ACADS: variants seen among roughly 807,000 people sequenced by gnomAD.
ACADS encodes the protein acyl-CoA dehydrogenase short chain.
A neutral mutation model predicts 46.8 loss-of-function variants in ACADS; 28 were observed. That is an observed-to-expected ratio of 0.60 (90% CI 0.44 to 0.82). ACADS has a LOEUF of 0.82. Ranked by LOEUF, ACADS falls within the 40% of genes least tolerant of loss-of-function variation. ACADS has a pLI of 0.00. For missense variants in ACADS, 528 were observed against 578.0 expected (o/e 0.91, Z 0.89); for synonymous variants, 236 against 237.7 (o/e 0.99, Z 0.07).
chr12:120,738,923 C>A lies in ACADS; in HGVS notation c.1029+8C>A, dbSNP rs1566028556. 3 of 1,613,332 alleles carry A rather than the reference C, an allele frequency of 1.9e-6. No homozygotes were observed. Among genetic ancestry groups the A allele is most frequent in the Non-Finnish European group, 2.5e-6 (3 of 1,179,980 alleles). ...AAGAAGCCTTTCATCAAGGTGCCCA[C>A]AGGGGTCCCCGAGCCATGGCCCAGA... On this transcript the variant is annotated splice_region_variant and intron_variant, in intron 8 of 9. Coordinates refer to ENST00000242592, the MANE Select transcript of ACADS (RefSeq NM_000017.4).
In ACADS at chr12:120,738,545, A is replaced by C; in HGVS notation, c.808A>C (p.Met270Leu). The change falls in exon 7 of 10, where the codon ATG becomes CTG. Residue 270 changes from methionine (M) to leucine (L), a missense_variant. Physicochemically the swap from Met to Leu is conservative, Grantham distance 15 (BLOSUM62 2). Transcript: ENST00000242592. Reference sequence around the variant, plus strand: ...GCGGTCCCCACAGCAAACCCTGGACATGGGCCGCATCGGCATCGCCTCCCA... The same window carrying C: ...GCGGTCCCCACAGCAAACCCTGGACCTGGGCCGCATCGGCATCGCCTCCCA... ...GFKIAMQTLDMGRIGIASQAL... is the reference protein window; with the variant it reads ...GFKIAMQTLDLGRIGIASQAL... 1 of 1,610,288 alleles carries C rather than the reference A, an allele frequency of 6.2e-7. No individual in the cohort carries two copies. Among genetic ancestry groups the C allele is most frequent in the Non-Finnish European group, 8.5e-7 (1 of 1,179,862 alleles).
At chr12:120,732,887 T>C (rs916036148) in intron 2 of ACADS, among the ~76,000 whole-genome samples, 5 of 152,132 alleles carry the variant, frequency 3.3e-5, no homozygotes, top group Non-Finnish European at 7.3e-5. Flanking sequence ...GAGGTGGAGG[T>C]TGTAGCGAGC....
intron 2 of ACADS, among the ~76,000 whole-genome samples, chr12:120,733,099 G>A (rs1171195223): frequency 6.6e-6 from 1 of 152,274 alleles, no homozygotes; most frequent in African/African-American, 2.4e-5. Flanking sequence ...GCGCGCGCCT[G>A]CAATCGCAGG....
Position 120,725,903 on chromosome 12 carries a change from C to T in ACADS, c.18C>T (p.Leu6=), listed in dbSNP as rs1471689069. The part of the protein sequence containing the change: MAAAL[L]ARASGPARRA... ...TGTCGCCCATGGCCGCCGCGCTGCT[C>T]GCCCGGGCCTCGGGCCCTGCCCGCA... is the stretch of plus-strand genomic sequence containing the variant. The change falls in exon 1 of 10, where the codon CTC becomes CTT. Residue 6 remains leucine, a synonymous_variant. Transcript: ENST00000242592. 5.8e-6 allele frequency: 9 copies of T among 1,557,072 alleles called. No homozygotes were observed. Among genetic ancestry groups the T allele is most frequent in the South Asian group, 1.2e-5 (1 of 85,480 alleles).
rs564076982 is a variant in ACADS at position 120,729,371 on chromosome 12, C to G, written c.210+2182C>G. ...CTCCCAGGTTCAAGTGATTATCCTG[C>G]CTCAGCCTCCCAGGTAGCTGGTACT... On this transcript the variant is annotated intron_variant, in intron 2 of 9. Coordinates refer to ENST00000242592, the MANE Select transcript of ACADS (RefSeq NM_000017.4). 7.9e-5 allele frequency among the ~76,000 whole-genome samples: 12 copies of G among 151,276 alleles called. No homozygotes were observed. In the South Asian group the frequency reaches 2.3e-3, roughly 29 times the overall value.
intron 5 of ACADS, 121 bp downstream of exon 5, chr12:120,738,109 G>C (rs1200521083): frequency 1.9e-6 from 3 of 1,572,132 alleles, no homozygotes; most frequent in Non-Finnish European, 2.6e-6. Flanking sequence ...GGCTGTCCCT[G>C]TCCCTCCTCA....
intron 2 of ACADS, 109 bp downstream of exon 2, chr12:120,727,298 G>A (rs1015672572): frequency 4.2e-6 from 6 of 1,437,626 alleles, no homozygotes; most frequent in South Asian, 1.1e-5. Context: ...GAACCCCAAA[G>A]CAGGGCCTGG....
chr12:120,725,970 C>T (rs1166935458), intron 1 of ACADS, 39 bp downstream of exon 1: 1 of 1,503,906 alleles, frequency 6.6e-7, no homozygotes, highest in Non-Finnish European at 8.8e-7. Context: ...GGCTTCAGCC[C>T]GCGTCTGGCC....
chr12:120,739,655 C>CTG lies in ACADS; in HGVS notation c.*210_*211dup. ...TCTGGGCCTTTCCGCCTCCTCACCACTGTGCCTCAAGTTCCTCATCTAAGT... is the reference window on the plus strand; with the variant it reads ...TCTGGGCCTTTCCGCCTCCTCACCACTGTGTGCCTCAAGTTCCTCATCTAAGT... On this transcript the variant is annotated 3_prime_UTR_variant, in exon 10 of 10. Transcript: ENST00000242592. 2 of 633,704 alleles carry CTG rather than the reference C, an allele frequency of 3.2e-6. No individual in the cohort carries two copies. 39.3% of individuals were successfully genotyped at this position (633,704 alleles called of 1,614,324 possible).
chr12:120,737,335 C>T lies in ACADS; in HGVS notation c.361-21C>T, dbSNP rs144835857. 9.5e-4 allele frequency: 1,522 copies of T among 1,609,940 alleles called. 9 individuals carry two copies. In the African/African-American group the frequency reaches 0.011, roughly 12 times the overall value. On this transcript the variant is annotated intron_variant, in intron 3 of 9. Transcript: ENST00000242592. Reference sequence around the variant, plus strand: ...TGCGCCTGGGCCTGGGGCCTCCGACCGCTCCCCGCTGTCCTCCTAGTCTCT... The same window carrying T: ...TGCGCCTGGGCCTGGGGCCTCCGACTGCTCCCCGCTGTCCTCCTAGTCTCT...
intron 2 of ACADS, among the ~76,000 whole-genome samples, chr12:120,736,225 C>T (rs1883431481): frequency 6.6e-6 from 1 of 152,090 alleles, no homozygotes; most frequent in East Asian, 1.9e-4. Flanking sequence ...CAAGCAATCC[C>T]CTCACCTTGG....
chr12:120,737,708 G>A (rs1276485689), intron 4 of ACADS, 129 bp from the exon 5 acceptor site: 7 of 1,386,272 alleles, frequency 5.0e-6, no homozygotes, highest in Middle Eastern at 2.3e-4. Flanking sequence ...GAGAGCTTTG[G>A]GACCCTCATC....
chr12:120,734,605 C>T (rs539412306), intron 2 of ACADS, among the ~76,000 whole-genome samples: 1 of 152,198 alleles, frequency 6.6e-6, no homozygotes, highest in African/African-American at 2.4e-5. Flanking sequence ...CTTTTCCATA[C>T]GTTATTGCCA....
In ACADS at chr12:120,738,851, A is replaced by G; in HGVS notation, c.965A>G (p.Glu322Gly). 2 of 1,613,526 alleles carry G rather than the reference A, an allele frequency of 1.2e-6. No individual in the cohort carries two copies. The highest frequency in any genetic ancestry group is 8.5e-7 in the Non-Finnish European group (1 of 1,179,782). The change falls in exon 8 of 10, where the codon GAG becomes GGG. Residue 322 changes from glutamate (E) to glycine (G), a missense_variant. By Grantham distance (98) the Glu-to-Gly change is moderately conservative. Transcript: ENST00000242592. ...FKLADMALAL[E>G]SARLLTWRAA... ...TTGGCAGACATGGCCCTGGCCCTGGAGAGTGCCCGGCTGCTGACCTGGCGC... is the reference window on the plus strand; with the variant it reads ...TTGGCAGACATGGCCCTGGCCCTGGGGAGTGCCCGGCTGCTGACCTGGCGC...
chr12:120,729,317 G>T (rs1383276816), intron 2 of ACADS, among the ~76,000 whole-genome samples: 1 of 149,960 alleles, frequency 6.7e-6, no homozygotes, highest in Non-Finnish European at 1.5e-5. Flanking sequence ...GAGTGCAGTG[G>T]TGCGATCTTG....
rs758929346 is a variant in ACADS at position 120,725,939 on chromosome 12, C to T, written c.46+8C>T. 3 of 1,543,372 alleles carry T rather than the reference C, an allele frequency of 1.9e-6. No homozygotes were observed. Among genetic ancestry groups the T allele is most frequent in the Non-Finnish European group, 1.7e-6 (2 of 1,154,516 alleles). On this transcript the variant is annotated splice_region_variant and intron_variant, in intron 1 of 9. Transcript: ENST00000242592. ...CGGGCCCTGCCCGCAGAGGTGAGTG[C>T]GCTGGGGATCCGTACGGCGGGGCTT...
chr12:120,736,891 A>C, intron 2 of ACADS, 95 bp from the exon 3 acceptor site: 1 of 1,435,846 alleles, frequency 7.0e-7, no homozygotes, highest in African/African-American at 1.5e-5. Flanking sequence ...GAGTTTCTGC[A>C]GGGCACTGCC....
In ACADS at chr12:120,726,139, C is replaced by A. The variant is rs376553427; in HGVS notation, c.46+208C>A. Among the ~76,000 whole-genome samples, 6 of 151,422 alleles carry A rather than the reference C, an allele frequency of 4.0e-5. No individual in the cohort carries two copies. The East Asian group carries it at 1.2e-3, about 30-fold the overall frequency. On this transcript the variant is annotated intron_variant, in intron 1 of 9. Coordinates refer to ENST00000242592, the MANE Select transcript of ACADS (RefSeq NM_000017.4). The stretch of plus-strand genomic sequence containing the variant: ...CTGGTTCCTGCACAGACCCCTACCC[C>A]CCGATTGACCCCAGCCACCAGCCCA...
At chr12:120,732,954 C>G (rs1883308162) in intron 2 of ACADS, among the ~76,000 whole-genome samples, 1 of 152,288 alleles carries the variant, frequency 6.6e-6, no homozygotes, top group Non-Finnish European at 1.5e-5. Context: ...GTGAACGAGA[C>G]TCCGTCTGCA....
Sources: gnomAD v4.1 joint callset for allele counts (sites outside exome capture counted in the v4.1 genomes callset) on GRCh38, gnomAD v4.1.1 for gene constraint, MANE v1.5 for transcripts, NCBI Gene and HGNC (gene_info 2026-07-23, HGNC 2026-07-21) for gene names.